The following HECW1 variants were observed in gnomAD, a reference collection of about 807,000 sequenced individuals.
The protein encoded by HECW1 is E3 ubiquitin-protein ligase HECW1.
Under a neutral mutation model 182.3 loss-of-function variants are expected in HECW1, and 61 were observed. The ratio of observed to expected loss-of-function variants is 0.33; its 90% CI spans 0.27 to 0.41. The LOEUF (loss-of-function observed/expected upper bound fraction) is 0.41. Among genes scored for constraint, HECW1 ranks in the 10% least tolerant of loss-of-function variants. HECW1 has a pLI of 1.00. For synonymous variants in HECW1, 859 were observed against 832.6 expected (o/e 1.03, Z -0.55); for missense variants, 1,739 against 2,108.9 (o/e 0.82, Z 3.44).
chr7:43,269,199 C>A (rs1160682987), intron 3 of HECW1, among the ~76,000 whole-genome samples: 1 of 152,220 alleles, frequency 6.6e-6, no homozygotes, highest in Non-Finnish European at 1.5e-5. Flanking sequence ...GCCTGCCATT[C>A]ATACACCTTG....
Position 43,246,186 on chromosome 7 carries a change from C to T in HECW1, c.27+2254C>T, listed in dbSNP as rs560921181. On this transcript the variant is annotated intron_variant, in intron 3 of 29. Transcript: ENST00000395891. ...GGCATGATGGTGTGTGCCTGTAGTC[C>T]CAGCTACTGAGGAGGCTGAACAGGG... 5.3e-4 allele frequency among the ~76,000 whole-genome samples: 80 copies of T among 152,158 alleles called. 2 individuals are homozygous for T. The South Asian group carries it at 0.016, about 30-fold the overall frequency.
Position 43,315,465 on chromosome 7 carries a change from G to A in HECW1, c.352+3378G>A, listed in dbSNP as rs28417784. 1.8e-3 allele frequency among the ~76,000 whole-genome samples: 236 copies of A among 131,136 alleles called. 1 individual carries two copies. The highest frequency in any genetic ancestry group is 7.9e-3 in the African/African-American group (194 of 24,472). 86.0% of individuals were successfully genotyped at this position (131,136 alleles called of 152,430 possible). A position where few individuals can be genotyped will look rare whatever the true frequency, so the allele number is the denominator to read the frequency against. On this transcript the variant is annotated intron_variant, in intron 4 of 29. Transcript: ENST00000395891. ...CCATATCTCCCGTCCCATTATTATTGTTATTATTATTATTATTATTATTAT... is the reference window on the plus strand; with the variant it reads ...CCATATCTCCCGTCCCATTATTATTATTATTATTATTATTATTATTATTAT...
At chr7:43,535,892 G>C (rs1182972146) in intron 24 of HECW1, among the ~76,000 whole-genome samples, 1 of 152,096 alleles carries the variant, frequency 6.6e-6, no homozygotes, top group Non-Finnish European at 1.5e-5. Flanking sequence ...TACCAATTCT[G>C]TTATTTTTCT....
At chr7:43,212,092 A>G (rs561230972) in intron 2 of HECW1, among the ~76,000 whole-genome samples, 36 of 152,362 alleles carry the variant, frequency 2.4e-4, no homozygotes, top group African/African-American at 8.4e-4. Flanking sequence ...ACCTGTCCTC[A>G]GCACTCATCC....
rs569918371 is a variant in HECW1 at position 43,458,666 on chromosome 7, T to C, written c.2651+2219T>C. ...ATAAGTATCCAGATTTTTCCATACTTAACCTATTGCTTTGAAGCATTTAAA... is the reference window on the plus strand; with the variant it reads ...ATAAGTATCCAGATTTTTCCATACTCAACCTATTGCTTTGAAGCATTTAAA... On this transcript the variant is annotated intron_variant, in intron 13 of 29. Coordinates refer to ENST00000395891, the MANE Select transcript of HECW1 (RefSeq NM_015052.5). 9.2e-5 allele frequency among the ~76,000 whole-genome samples: 14 copies of C among 152,332 alleles called. No homozygotes were observed. In the South Asian group the frequency reaches 2.7e-3, roughly 29 times the overall value.
At position 43,124,961 on chromosome 7, in the gene HECW1, T is replaced by C. The variant is rs1786048240; in HGVS notation, c.-32+10570T>C. Among the ~76,000 whole-genome samples the C allele has an allele frequency of 2.0e-5, 3 of 152,194 alleles. No homozygotes were observed. In the South Asian group the frequency reaches 6.2e-4, roughly 32 times the overall value. ...CAAGATGCCTTAGTTTGGGGTGTTA[T>C]ACCAAATACCATAGACTGAGTGACT... On this transcript the variant is annotated intron_variant, in intron 2 of 29. Transcript: ENST00000395891.
At chr7:43,305,634 A>G (rs1807454606) in intron 3 of HECW1, among the ~76,000 whole-genome samples, 1 of 151,856 alleles carries the variant, frequency 6.6e-6, no homozygotes, top group South Asian at 2.1e-4. Context: ...GGGGGGACAG[A>G]GTCTCATTCT....
chr7:43,412,692 G>A (rs1262169405), intron 8 of HECW1, among the ~76,000 whole-genome samples: 1 of 149,952 alleles, frequency 6.7e-6, no homozygotes, highest in African/African-American at 2.5e-5. Context: ...CTATGAGTGA[G>A]AATATGCGGT....
intron 2 of HECW1, among the ~76,000 whole-genome samples, chr7:43,187,728 A>G (rs1793541627): frequency 6.6e-6 from 1 of 152,046 alleles, no homozygotes; most frequent in African/African-American, 2.4e-5. Context: ...TTTCTTGTCT[A>G]TTAGTGTGCC....
chr7:43,562,681 T>G lies in HECW1; in HGVS notation c.*755T>G, dbSNP rs894938845. On this transcript the variant is annotated 3_prime_UTR_variant, in exon 30 of 30. Transcript: ENST00000395891. ...AGTTTAGGAGGGGGAGCATCCCTAG[T>G]GAATACTCACACCACAAGAAGGACA... 1 of 224,792 alleles carries G rather than the reference T, an allele frequency of 4.4e-6. No homozygotes were observed. The highest frequency in any genetic ancestry group is 8.9e-6 in the Non-Finnish European group (1 of 112,582). The allele number at this position is 224,792 out of a possible 1,614,324, so 13.9% of individuals were successfully genotyped here.
In HECW1 at chr7:43,554,580, T is replaced by C; in HGVS notation, c.4511-12T>C. 6.2e-7 allele frequency: 1 copy of C among 1,608,120 alleles called. No homozygotes were observed. The highest frequency in any genetic ancestry group is 8.5e-7 in the Non-Finnish European group (1 of 1,176,428). ...CACATCCTGTCTTCCTCCCTCCCTT[T>C]GCCTCGTGCAGGTTACCACGATGGG... On this transcript the variant is annotated splice_polypyrimidine_tract_variant and intron_variant, in intron 28 of 29. Transcript: ENST00000395891.
At chr7:43,365,984 T>C (rs1372022692) in intron 6 of HECW1, among the ~76,000 whole-genome samples, 1 of 152,038 alleles carries the variant, frequency 6.6e-6, no homozygotes, top group African/African-American at 2.4e-5. Context: ...ATGTCTGCAA[T>C]CCTAGCTACT....
At chr7:43,188,347 T>C (rs1793602381) in intron 2 of HECW1, among the ~76,000 whole-genome samples, 1 of 152,188 alleles carries the variant, frequency 6.6e-6, no homozygotes. Flanking sequence ...ACTGCTCCTA[T>C]GATTGGTGTG....
intron 6 of HECW1, among the ~76,000 whole-genome samples, chr7:43,366,235 A>C (rs1038260290): frequency 3.3e-5 from 5 of 152,234 alleles, no homozygotes; most frequent in African/African-American, 1.2e-4. Context: ...AAGGCAACTC[A>C]ATAGGACATT....
rs1370560925 is a variant in HECW1 at position 43,466,450 on chromosome 7, T to C, written c.2795T>C (p.Leu932Pro). The change falls in exon 15 of 30, where the codon CTA becomes CCA. Residue 932 changes from leucine (L) to proline (P), a missense_variant. Leu to Pro is a moderately conservative substitution (Grantham distance 98). Transcript: ENST00000395891. Reference sequence around the variant, plus strand: ...GCTTTGCTTCACTTTTTTTCAGATCTAAGGAGAGAAGGGTCACTTTCTCCA... The same window carrying C: ...GCTTTGCTTCACTTTTTTTCAGATCCAAGGAGAGAAGGGTCACTTTCTCCA... Reference protein sequence around the residue: ...EAESSQSSLDLRREGSLSPVN... With the variant: ...EAESSQSSLDPRREGSLSPVN... 5 of 1,613,586 alleles carry C rather than the reference T, an allele frequency of 3.1e-6. No individual in the cohort carries two copies. Among genetic ancestry groups the C allele is most frequent in the Non-Finnish European group, 3.4e-6 (4 of 1,179,652 alleles).
intron 9 of HECW1, among the ~76,000 whole-genome samples, chr7:43,440,803 T>C (rs1021633598): frequency 3.3e-5 from 5 of 152,218 alleles, no homozygotes; most frequent in Non-Finnish European, 5.9e-5. Flanking sequence ...CCTATTTTTT[T>C]CTGCACATAA....
chr7:43,320,847 C>T (rs1810019890), intron 5 of HECW1, 105 bp downstream of exon 5: 1 of 818,378 alleles, frequency 1.2e-6, no homozygotes, highest in Non-Finnish European at 2.1e-6. Flanking sequence ...GAAATGGGCC[C>T]TCTAAAAGAG....
chr7:43,499,932 T>C (rs1474773817), intron 19 of HECW1, among the ~76,000 whole-genome samples: 2 of 152,306 alleles, frequency 1.3e-5, no homozygotes, highest in Non-Finnish European at 2.9e-5. Context: ...AATTGATGCC[T>C]GTGCCTTGAC....
intron 4 of HECW1, among the ~76,000 whole-genome samples, chr7:43,315,861 G>A (rs770184350): frequency 1.3e-5 from 2 of 152,118 alleles, no homozygotes; most frequent in Non-Finnish European, 2.9e-5. Context: ...TTTTTCCCAA[G>A]ATTTGGTTGT....
Sources: allele counts gnomAD v4.1 joint callset (sites outside exome capture counted in the v4.1 genomes callset), GRCh38; gene constraint gnomAD v4.1.1; transcripts MANE v1.5; gene names NCBI Gene and HGNC (gene_info 2026-07-23, HGNC 2026-07-21).